Variants in SLCO3A1 observed in about 807,000 individuals in gnomAD.
SLCO3A1 encodes the protein solute carrier organic anion transporter family member 3A1.
SLCO3A1 carries 27 observed loss-of-function variants against 63.1 expected under a neutral mutation model. The ratio of observed to expected loss-of-function variants is 0.43; its 90% CI spans 0.32 to 0.59. SLCO3A1 has a LOEUF of 0.59. Ranked by LOEUF, SLCO3A1 falls within the 20% of genes least tolerant of loss-of-function variation. SLCO3A1 has a pLI of 0.09. For synonymous variants in SLCO3A1, 473 were observed against 409.9 expected, an observed-to-expected ratio of 1.15 and a Z score of -1.86; for missense variants, 773 against 945.8, an observed-to-expected ratio of 0.82 and a Z score of 2.40.
intron 1 of SLCO3A1, among the ~76,000 whole-genome samples, chr15:91,881,042 A>G (rs962287692): frequency 6.6e-6 from 1 of 152,146 alleles, no homozygotes; most frequent in African/African-American, 2.4e-5. Flanking sequence ...GCTTGGGTGG[A>G]GGCTCTGTGT....
chr15:91,957,108 A>ATAATATATAT (rs1555417710), intron 2 of SLCO3A1, among the ~76,000 whole-genome samples: 1 of 5,498 alleles, frequency 1.8e-4, no homozygotes, highest in Admixed American at 4.6e-3. Flanking sequence ...TATAATATAT[A>ATAATATATAT]TATATATAAT....
intron 2 of SLCO3A1, among the ~76,000 whole-genome samples, chr15:92,045,444 A>G (rs1436881956): frequency 6.6e-6 from 1 of 152,176 alleles, no homozygotes; most frequent in Non-Finnish European, 1.5e-5. Context: ...ATGTGCATGC[A>G]TATAAAGGTA....
intron 2 of SLCO3A1, among the ~76,000 whole-genome samples, chr15:91,977,680 G>C (rs898720635): frequency 4.6e-5 from 7 of 151,912 alleles, no homozygotes; most frequent in African/African-American, 1.7e-4. Context: ...TTGGGTGATG[G>C]GTGCACTAAA....
chr15:92,094,723 A>G (rs2047516824), intron 2 of SLCO3A1, among the ~76,000 whole-genome samples, 158 bp from the exon 3 acceptor site: 1 of 152,240 alleles, frequency 6.6e-6, no homozygotes, highest in Non-Finnish European at 1.5e-5. Flanking sequence ...TAGAGTTTCC[A>G]AAAATTAGAA....
intron 2 of SLCO3A1, among the ~76,000 whole-genome samples, chr15:91,986,181 A>G (rs914774548): frequency 2.6e-5 from 4 of 152,204 alleles, no homozygotes; most frequent in African/African-American, 7.2e-5. Flanking sequence ...TGCTCGGCCT[A>G]TATTTGCCCT....
intron 4 of SLCO3A1, among the ~76,000 whole-genome samples, chr15:92,109,917 C>G (rs2047708696): frequency 6.6e-6 from 1 of 152,066 alleles, no homozygotes; most frequent in African/African-American, 2.4e-5. Context: ...TACTTAGATT[C>G]CCGTGGCTGG....
Position 92,150,915 on chromosome 15 carries a change from T to C in SLCO3A1, c.1689-35T>C, listed in dbSNP as rs920500580. ...TAATTACAGGGGAATGATAAAAATC[T>C]GGTTTTTTTTTTCTCTTCATCTCTT... On this transcript the variant is annotated intron_variant, in intron 8 of 9. Coordinates refer to ENST00000318445, the MANE Select transcript of SLCO3A1 (RefSeq NM_013272.4). 8.5e-6 allele frequency: 13 copies of C among 1,522,620 alleles called. No individual in the cohort carries two copies. In the African/African-American group the frequency reaches 1.8e-4, roughly 21 times the overall value. The allele number at this position is 1,522,620 out of a possible 1,614,324, so 94.3% of individuals were successfully genotyped here.
chr15:91,882,407 T>C lies in SLCO3A1; in HGVS notation c.180+28319T>C, dbSNP rs1274996045. ...AGGTTGGACACTTGGTAGCCTTTGG[T>C]AAATATTTACTAAATGAATCAATGA... On this transcript the variant is annotated intron_variant, in intron 1 of 9. Transcript: ENST00000318445. This position sits in a 1 kb window ranked among gnomAD's most constrained non-coding sequence, Gnocchi z 4.4. Among the ~76,000 whole-genome samples the C allele has an allele frequency of 6.6e-6, 1 of 152,214 alleles. No homozygotes were observed. The highest frequency in any genetic ancestry group is 1.5e-5 in the Non-Finnish European group (1 of 68,042).
intron 2 of SLCO3A1, among the ~76,000 whole-genome samples, chr15:91,999,469 T>C (rs780144658): frequency 6.6e-6 from 1 of 152,080 alleles, no homozygotes; most frequent in Non-Finnish European, 1.5e-5. Flanking sequence ...GTGAGGAAAC[T>C]GAATGGGTAA....
chr15:91,979,447 C>T (rs532717930), intron 2 of SLCO3A1, among the ~76,000 whole-genome samples: 91 of 152,300 alleles, frequency 6.0e-4, no homozygotes, highest in African/African-American at 2.2e-3. Context: ...GATTTTGGAG[C>T]ATTTTGGATT....
intron 4 of SLCO3A1, among the ~76,000 whole-genome samples, chr15:92,109,042 G>A (rs1302457252): frequency 6.6e-6 from 1 of 152,158 alleles, no homozygotes; most frequent in African/African-American, 2.4e-5. Flanking sequence ...TAGCATGTAG[G>A]TGATACTGGT....
chr15:92,125,944 C>G, intron 5 of SLCO3A1, 117 bp from the exon 6 acceptor site: 1 of 804,496 alleles, frequency 1.2e-6, no homozygotes, highest in Non-Finnish European at 2.1e-6. Context: ...GAGGCAGTGA[C>G]ACCACAGTGG....
At chr15:91,956,423 CT>C (rs1597154859) in intron 2 of SLCO3A1, among the ~76,000 whole-genome samples, 1 of 152,164 alleles carries the variant, frequency 6.6e-6, no homozygotes, top group East Asian at 1.9e-4. Flanking sequence ...CTTTGCAGAT[CT>C]GCAGGCATAT....
At chr15:92,046,560 T>C (rs1223885631) in intron 2 of SLCO3A1, among the ~76,000 whole-genome samples, 3 of 152,018 alleles carry the variant, frequency 2.0e-5, no homozygotes, top group Admixed American at 2.0e-4. Context: ...CTTTATAATA[T>C]AGACTTTCTT....
chr15:92,090,957 C>T (rs925079195), intron 2 of SLCO3A1, among the ~76,000 whole-genome samples: 2 of 152,184 alleles, frequency 1.3e-5, no homozygotes, highest in African/African-American at 4.8e-5. Context: ...GTTAAATGTA[C>T]TTTGCCCAAA....
At chr15:92,123,261 C>G (rs2047884262) in intron 5 of SLCO3A1, among the ~76,000 whole-genome samples, 1 of 152,048 alleles carries the variant, frequency 6.6e-6, no homozygotes, top group Non-Finnish European at 1.5e-5. Flanking sequence ...CCCATCTCTA[C>G]TAAAAATACA....
intron 1 of SLCO3A1, among the ~76,000 whole-genome samples, chr15:91,893,681 A>G (rs1233066989): frequency 6.6e-6 from 1 of 152,250 alleles, no homozygotes; most frequent in Non-Finnish European, 1.5e-5. Context: ...ACAGTCTTTT[A>G]TCAGCATTTC....
At chr15:92,018,802 C>T (rs569358583) in intron 2 of SLCO3A1, among the ~76,000 whole-genome samples, 53 of 152,272 alleles carry the variant, frequency 3.5e-4, no homozygotes, top group Admixed American at 9.8e-4. Context: ...CCATTTCAGT[C>T]GCCCTCCCAG....
intron 2 of SLCO3A1, among the ~76,000 whole-genome samples, chr15:92,068,677 T>C (rs993197592): frequency 6.6e-6 from 1 of 152,222 alleles, no homozygotes; most frequent in African/African-American, 2.4e-5. Flanking sequence ...AACATGCTCC[T>C]TATTAATTAA....
Sources: gnomAD v4.1 joint callset for allele counts (sites outside exome capture counted in the v4.1 genomes callset) on GRCh38, gnomAD v4.1.1 for gene constraint, Gnocchi (gnomAD v3.1) non-coding constraint, MANE v1.5 for transcripts, NCBI Gene and HGNC (gene_info 2026-07-23, HGNC 2026-07-21) for gene names.